Variants in S100B observed in about 807,000 individuals in gnomAD.
The protein encoded by S100B is S100 calcium binding protein B, also known as protein S100-B.
Under a neutral mutation model 7.7 loss-of-function variants are expected in S100B, and 6 were observed. The observed-to-expected ratio is 0.78, with a 90% CI of 0.43 to 1.54. The LOEUF is 1.54. Among genes scored for constraint, S100B ranks in the 40% most tolerant of loss-of-function variants. The pLI, the probability that S100B is intolerant of heterozygous loss-of-function variation, is 0.01. For synonymous variants in S100B, 36 were observed against 40.4 expected, an observed-to-expected ratio of 0.89 and a Z score of 0.41; for missense variants, 99 against 111.8, an observed-to-expected ratio of 0.89 and a Z score of 0.52.
chr21:46,599,147 T>C lies in S100B; in HGVS notation c.*216A>G. 2 of 572,114 alleles carry C rather than the reference T, an allele frequency of 3.5e-6. No individual in the cohort carries two copies. The allele number at this position is 572,114 out of a possible 1,614,324, so 35.4% of individuals were successfully genotyped here. On this transcript the variant is annotated 3_prime_UTR_variant, in exon 3 of 3. Coordinates refer to ENST00000291700, the MANE Select transcript of S100B (RefSeq NM_006272.3). ...ACAAGAGTCCCTGGGGCCAGTCAGC[T>C]TACACACAGGCCTAATATAGCAGAA...
Position 46,598,772 on chromosome 21 carries a change from C to T in S100B, c.*591G>A, listed in dbSNP as rs138706398. ...GCCACGCTGGAGCCCCCAGAGCTGG[C>T]TCGGATTGCGAGTTCTGATGGAGTT... On this transcript the variant is annotated 3_prime_UTR_variant, in exon 3 of 3. Coordinates refer to ENST00000291700, the MANE Select transcript of S100B (RefSeq NM_006272.3). Among the ~76,000 whole-genome samples, 1 of 152,362 alleles carries T rather than the reference C, an allele frequency of 6.6e-6. No homozygotes were observed. The highest frequency in any genetic ancestry group is 1.5e-5 in the Non-Finnish European group (1 of 68,040).
chr21:46,604,254 G>T (rs538578677), intron 1 of S100B, among the ~76,000 whole-genome samples: 4 of 152,294 alleles, frequency 2.6e-5, no homozygotes, highest in African/African-American at 7.2e-5. Context: ...TCTTTTAAGA[G>T]AAATGGAAAT....
At chr21:46,603,388 C>G (rs945795734) in intron 1 of S100B, among the ~76,000 whole-genome samples, 1 of 1,278 alleles carries the variant, frequency 7.8e-4, no homozygotes, top group South Asian at 0.013. Context: ...ACTGGGACGG[C>G]GGGAGGGGGT....
chr21:46,600,294 C>G (rs532804526), intron 2 of S100B: 45 of 409,050 alleles, frequency 1.1e-4, no homozygotes, highest in South Asian at 7.9e-4. Flanking sequence ...GTAATCCCAG[C>G]ACTTTGGGAA....
chr21:46,601,623 CA>C (rs1182614616), intron 2 of S100B, among the ~76,000 whole-genome samples: 1 of 152,224 alleles, frequency 6.6e-6, no homozygotes, highest in Admixed American at 6.5e-5. Flanking sequence ...GGAGCCCCCA[CA>C]CAGCTTCCTA....
chr21:46,602,236 G>A, intron 2 of S100B, 42 bp downstream of exon 2: 1 of 1,575,802 alleles, frequency 6.3e-7, no homozygotes. Flanking sequence ...TGGATTTTAA[G>A]AGGAGATGGA....
chr21:46,600,908 C>G (rs1463772775), intron 2 of S100B, among the ~76,000 whole-genome samples: 1 of 152,186 alleles, frequency 6.6e-6, no homozygotes, highest in Non-Finnish European at 1.5e-5. Flanking sequence ...ACTCTCAGAT[C>G]AAGTCAGAAG....
At chr21:46,603,594 T>C (rs1291982736) in intron 1 of S100B, among the ~76,000 whole-genome samples, 3 of 152,222 alleles carry the variant, frequency 2.0e-5, no homozygotes, top group Non-Finnish European at 4.4e-5. Flanking sequence ...TACCAGCTTT[T>C]GGCCTTGAGT....
intron 1 of S100B, among the ~76,000 whole-genome samples, chr21:46,604,711 C>G (rs2061052559): frequency 6.6e-6 from 1 of 152,170 alleles, no homozygotes; most frequent in Non-Finnish European, 1.5e-5. Flanking sequence ...ACAGAAGAGG[C>G]AGTATTTGTA....
At chr21:46,603,392 A>AGGGGGGGGCGGGGGGGGCGGGGG (rs1555923741) in intron 1 of S100B, among the ~76,000 whole-genome samples, 2 of 38,208 alleles carry the variant, frequency 5.2e-5, no homozygotes, top group Non-Finnish European at 9.8e-5. Context: ...GGACGGCGGG[A>AGGGGGGGGCGGGGGGGGCGGGGG]GGGGGTGGGG....
At position 46,600,367 on chromosome 21, in the gene S100B, A is replaced by G. The variant is rs1252953269; in HGVS notation, c.139-864T>C. ...AGACCAGCCTGGGCAACATAGGGAG[A>G]CTCCATCTCTACAAAGAAAAAATAA... On this transcript the variant is annotated intron_variant, in intron 2 of 2. Transcript: ENST00000291700. The G allele has an allele frequency of 1.4e-5, 6 of 443,032 alleles. 1 individual carries two copies. Among genetic ancestry groups the G allele is most frequent in the South Asian group, 9.6e-5 (6 of 62,708 alleles). The allele number at this position is 443,032 out of a possible 1,614,324, so 27.4% of individuals were successfully genotyped here.
chr21:46,601,881 T>C (rs2061042254), intron 2 of S100B, among the ~76,000 whole-genome samples: 1 of 152,272 alleles, frequency 6.6e-6, no homozygotes, highest in South Asian at 2.1e-4. Flanking sequence ...AAGTCTGGCA[T>C]ATCTTATCTC....
intron 2 of S100B, chr21:46,600,350 C>T (rs924542207): frequency 4.5e-6 from 2 of 439,662 alleles, no homozygotes; most frequent in South Asian, 1.6e-5. Flanking sequence ...TGAGACCAGC[C>T]TGGGCAACAT....
rs2061035747 is a variant in S100B at position 46,599,494 on chromosome 21, C to T, written c.148G>A (p.Glu50Lys). Residue 50 changes from glutamate to lysine, a missense_variant, in exon 3 of 3, where the codon GAG becomes AAG. Transcript: ENST00000291700. ...ATGACTTTGTCCACAACCTCCTGCT[C>T]TTTGATTTCCTAAGAGAGATAAAAG... ...ELSHFLEEIK[E>K]QEVVDKVMET... The T allele has an allele frequency of 2.5e-6, 4 of 1,613,996 alleles. No individual in the cohort carries two copies. The highest frequency in any genetic ancestry group is 1.1e-5 in the South Asian group (1 of 91,082).
chr21:46,599,342 A>G lies in S100B; in HGVS notation c.*21T>C, dbSNP rs1257503562. On this transcript the variant is annotated 3_prime_UTR_variant, in exon 3 of 3. Transcript: ENST00000291700. ...TGCATGACCGTCTCTGTTACAGGAA[A>G]GGTTTGGCTGCTTTCTAATCTCACT... is the stretch of plus-strand genomic sequence containing the variant. 6.2e-7 allele frequency: 1 copy of G among 1,610,214 alleles called. No individual in the cohort carries two copies. Among genetic ancestry groups the G allele is most frequent in the South Asian group, 1.1e-5 (1 of 90,258 alleles).
chr21:46,601,847 G>A (rs1307217642), intron 2 of S100B, among the ~76,000 whole-genome samples: 3 of 152,226 alleles, frequency 2.0e-5, no homozygotes, highest in African/African-American at 7.2e-5. Context: ...CTTAATTAGT[G>A]CTCAGTCAGT....
At position 46,599,265 on chromosome 21, in the gene S100B, G is replaced by A. The variant is rs1032712388; in HGVS notation, c.*98C>T. The A allele has an allele frequency of 3.0e-5, 33 of 1,103,420 alleles. No homozygotes were observed. Among genetic ancestry groups the A allele is most frequent in the East Asian group, 9.5e-5 (4 of 42,088 alleles). 68.4% of individuals were successfully genotyped at this position (1,103,420 alleles called of 1,614,324 possible). On this transcript the variant is annotated 3_prime_UTR_variant, in exon 3 of 3. Transcript: ENST00000291700. ...CAAGCTTCCTAATTAGCTACAACAC[G>A]GCTGGAAAGCTCAGCTCCTACTAGG...
chr21:46,599,059 C>A lies in S100B; in HGVS notation c.*304G>T. ...GGTTCCCTCCGGGTTAGGGTCTACA[C>A]GGCCATGGCGGGCTGCACGGTGCAC... is the stretch of plus-strand genomic sequence containing the variant. On this transcript the variant is annotated 3_prime_UTR_variant, in exon 3 of 3. Transcript: ENST00000291700. The A allele has an allele frequency of 3.0e-6, 1 of 337,598 alleles. No individual in the cohort carries two copies. The highest frequency in any genetic ancestry group is 8.0e-4 in the Middle Eastern group (1 of 1,250). 20.9% of individuals were successfully genotyped at this position (337,598 alleles called of 1,614,324 possible). A position where few individuals can be genotyped will look rare whatever the true frequency, so the allele number is the denominator to read the frequency against.
intron 2 of S100B, among the ~76,000 whole-genome samples, chr21:46,599,809 T>C (rs575343934): frequency 2.6e-5 from 4 of 152,178 alleles, no homozygotes; most frequent in Non-Finnish European, 5.9e-5. Flanking sequence ...TAGATCAGCC[T>C]GAGCAAATGT....
Sources: allele counts gnomAD v4.1 joint callset (sites outside exome capture counted in the v4.1 genomes callset), GRCh38; gene constraint gnomAD v4.1.1; transcripts MANE v1.5; gene names NCBI Gene and HGNC (gene_info 2026-07-23, HGNC 2026-07-21).